BCAR3: variants seen among roughly 807,000 people sequenced by gnomAD.
BCAR3 encodes the protein breast cancer anti-estrogen resistance protein 3.
In BCAR3, 37 loss-of-function variants were observed where a neutral mutation model predicts 80.1. The observed-to-expected ratio is 0.46, with a 90% CI of 0.36 to 0.61. The LOEUF (loss-of-function observed/expected upper bound fraction) is 0.61. BCAR3 is among the 20% of genes least tolerant of loss of function. BCAR3 has a pLI of 0.00. For missense variants in BCAR3, 978 were observed against 1,068.2 expected (o/e 0.92, Z 1.18); for synonymous variants, 389 against 418.9 (o/e 0.93, Z 0.87).
chr1:93,804,228 G>A (rs542878940), intron 2 of BCAR3, among the ~76,000 whole-genome samples: 3 of 152,250 alleles, frequency 2.0e-5, no homozygotes, highest in Non-Finnish European at 2.9e-5. Context: ...TTAATTCGTA[G>A]GCCTAGCTTC....
Position 93,570,820 on chromosome 1 carries a change from T to C in BCAR3, c.1974+850A>G, listed in dbSNP as rs12094668. 3.3e-5 allele frequency among the ~76,000 whole-genome samples: 5 copies of C among 152,304 alleles called. No individual in the cohort carries two copies. In the East Asian group the frequency reaches 7.7e-4, roughly 24 times the overall value. On this transcript the variant is annotated intron_variant, in intron 9 of 11. Transcript: ENST00000260502. ...GATGTCTCATCCTAATTGGTTCTCC[T>C]TGAATCACTACTGTTCATGAGGATG...
At chr1:93,768,870 G>A (rs1652251144) in intron 2 of BCAR3, among the ~76,000 whole-genome samples, 1 of 152,302 alleles carries the variant, frequency 6.6e-6, no homozygotes, top group South Asian at 2.1e-4. Context: ...TCCCCAGCAA[G>A]CACTGATTCT....
chr1:93,816,432 G>C (rs1186234592), intron 2 of BCAR3, among the ~76,000 whole-genome samples: 2 of 151,962 alleles, frequency 1.3e-5, no homozygotes, highest in Non-Finnish European at 2.9e-5. Context: ...CAGCACTTTG[G>C]GAGGTTGAGG....
intron 3 of BCAR3, among the ~76,000 whole-genome samples, chr1:93,700,240 T>C (rs1649591380): frequency 1.3e-5 from 2 of 152,224 alleles, no homozygotes; most frequent in African/African-American, 4.8e-5. Context: ...TTGCCCACGT[T>C]GGAGTGCAGT....
At chr1:93,748,521 C>A (rs1210886423) in intron 2 of BCAR3, among the ~76,000 whole-genome samples, 2 of 152,144 alleles carry the variant, frequency 1.3e-5, no homozygotes, top group Non-Finnish European at 2.9e-5. Flanking sequence ...CCAGACTGGA[C>A]TTCGATCGGC....
chr1:93,582,106 C>G (rs1002514543), intron 7 of BCAR3, among the ~76,000 whole-genome samples, 195 bp downstream of exon 7: 4 of 152,208 alleles, frequency 2.6e-5, no homozygotes, highest in African/African-American at 4.8e-5. Context: ...GCTTGTGGTT[C>G]CCACCCCTTA....
At chr1:93,634,239 A>C (rs917957035) in intron 3 of BCAR3, among the ~76,000 whole-genome samples, 1 of 152,152 alleles carries the variant, frequency 6.6e-6, no homozygotes, top group Non-Finnish European at 1.5e-5. Context: ...TTCAAGATTC[A>C]CCCATGATAT....
chr1:93,814,080 T>C (rs1653938425), intron 2 of BCAR3, among the ~76,000 whole-genome samples: 1 of 152,170 alleles, frequency 6.6e-6, no homozygotes, highest in Non-Finnish European at 1.5e-5. Context: ...TCAGTGTATC[T>C]TGTCAGGGAG....
chr1:93,756,706 G>A (rs74769430), intron 2 of BCAR3, among the ~76,000 whole-genome samples: 1,725 of 152,268 alleles, frequency 0.011, 17 homozygotes, highest in Non-Finnish European at 0.018. Flanking sequence ...ATTCCATTTG[G>A]AAAGAAGTGT....
intron 2 of BCAR3, among the ~76,000 whole-genome samples, chr1:93,721,678 G>T (rs904095096): frequency 5.9e-5 from 9 of 152,186 alleles, no homozygotes; most frequent in African/African-American, 2.2e-4. Context: ...CCATTCTCGT[G>T]GCCTCCACTT....
At chr1:93,663,256 A>T (rs1477718148) in intron 2 of BCAR3, among the ~76,000 whole-genome samples, 1 of 152,090 alleles carries the variant, frequency 6.6e-6, no homozygotes, top group East Asian at 1.9e-4. Context: ...GTTACCCTTC[A>T]CATTTTTCAC....
At chr1:93,823,997 C>T (rs577962114) in intron 2 of BCAR3, among the ~76,000 whole-genome samples, 3 of 133,762 alleles carry the variant, frequency 2.2e-5, no homozygotes, top group Non-Finnish European at 3.4e-5. Flanking sequence ...CGCGCCTGGC[C>T]GAAAAGTATC....
At chr1:93,565,648 G>GT (rs1672916039) in intron 11 of BCAR3, among the ~76,000 whole-genome samples, 1 of 152,200 alleles carries the variant, frequency 6.6e-6, no homozygotes, top group South Asian at 2.1e-4. Flanking sequence ...CTTTGTCTAA[G>GT]TAGGCACTCT....
At chr1:93,761,075 C>T (rs1288663306) in intron 2 of BCAR3, among the ~76,000 whole-genome samples, 1 of 152,128 alleles carries the variant, frequency 6.6e-6, no homozygotes, top group Non-Finnish European at 1.5e-5. Context: ...GGGCCATTAA[C>T]ACAAATATGG....
At chr1:93,727,852 T>C (rs544197410) in intron 2 of BCAR3, among the ~76,000 whole-genome samples, 45 of 152,326 alleles carry the variant, frequency 3.0e-4, no homozygotes, top group African/African-American at 1.0e-3. Flanking sequence ...AAACTATCTT[T>C]GCAGATGTAA....
intron 2 of BCAR3, among the ~76,000 whole-genome samples, chr1:93,742,660 T>C (rs1281351476): frequency 6.6e-6 from 1 of 152,374 alleles, no homozygotes; most frequent in South Asian, 2.1e-4. Flanking sequence ...CTCTTTCCCA[T>C]GCTGAATTAG....
At chr1:93,786,010 G>A (rs1469417289) in intron 2 of BCAR3, among the ~76,000 whole-genome samples, 1 of 119,202 alleles carries the variant, frequency 8.4e-6, no homozygotes, top group African/African-American at 4.3e-5. Flanking sequence ...TGGCTAACAC[G>A]GTGAAACCCC....
At chr1:93,796,965 T>C (rs1488384666) in intron 2 of BCAR3, among the ~76,000 whole-genome samples, 2 of 152,200 alleles carry the variant, frequency 1.3e-5, no homozygotes, top group Admixed American at 6.5e-5. Context: ...ATATTTCTGG[T>C]TACTGTATAT....
chr1:93,634,714 C>A (rs1279612839), intron 3 of BCAR3, among the ~76,000 whole-genome samples: 33 of 124,782 alleles, frequency 2.6e-4, no homozygotes, highest in Non-Finnish European at 4.6e-4. Context: ...ACAACAACAA[C>A]AACAACAAAA....
Sources: gnomAD v4.1 joint callset for allele counts (sites outside exome capture counted in the v4.1 genomes callset) on GRCh38, gnomAD v4.1.1 for gene constraint, MANE v1.5 for transcripts, NCBI Gene and HGNC (gene_info 2026-07-23, HGNC 2026-07-21) for gene names.